Variants in MAP2K1 observed in about 807,000 individuals in gnomAD.
MAP2K1 encodes the protein mitogen-activated protein kinase kinase 1.
In MAP2K1, 16 loss-of-function variants were observed where a neutral mutation model predicts 46.3. The ratio of observed to expected loss-of-function variants is 0.35; its 90% CI spans 0.23 to 0.52. MAP2K1 has a LOEUF of 0.52. Ranked by LOEUF, MAP2K1 falls within the 20% of genes least tolerant of loss-of-function variation. The probability of loss-of-function intolerance (pLI) is 0.94; values close to 1 mark genes in which losing one functional copy is unlikely to be tolerated. For synonymous variants in MAP2K1, 183 were observed against 185.6 expected (o/e 0.99, Z 0.11); for missense variants, 263 against 497.1 (o/e 0.53, Z 4.48).
chr15:66,426,360 C>CAAAAAA (rs35788598), intron 1 of MAP2K1, among the ~76,000 whole-genome samples: 1 of 138,508 alleles, frequency 7.2e-6, no homozygotes, highest in Non-Finnish European at 1.6e-5. Flanking sequence ...ATCAAGAAGA[C>CAAAAAA]AAAAAAAAAA....
At chr15:66,477,868 G>C (rs566137446) in intron 5 of MAP2K1, among the ~76,000 whole-genome samples, 5 of 152,058 alleles carry the variant, frequency 3.3e-5, no homozygotes, top group Non-Finnish European at 5.9e-5. Context: ...TCTCAGTCTC[G>C]TTCCATTTTC....
intron 1 of MAP2K1, among the ~76,000 whole-genome samples, chr15:66,432,817 C>A (rs1188722759): frequency 2.6e-5 from 4 of 152,178 alleles, no homozygotes; most frequent in Non-Finnish European, 4.4e-5. Flanking sequence ...CCTGTCTGTG[C>A]TTGAGTTTGC....
chr15:66,387,760 C>T (rs2093345726), intron 1 of MAP2K1, among the ~76,000 whole-genome samples: 1 of 152,208 alleles, frequency 6.6e-6, no homozygotes, highest in Non-Finnish European at 1.5e-5. Context: ...ATGTGATCAT[C>T]TGGGAGTCTG....
chr15:66,433,617 C>G (rs1462340990), intron 1 of MAP2K1, among the ~76,000 whole-genome samples: 3 of 152,094 alleles, frequency 2.0e-5, no homozygotes, highest in Non-Finnish European at 4.4e-5. Context: ...TCTTCATTTC[C>G]CTGTCTTCTA....
intron 9 of MAP2K1, 128 bp downstream of exon 9, chr15:66,489,404 C>A: frequency 3.3e-6 from 3 of 913,894 alleles, no homozygotes; most frequent in Non-Finnish European, 5.5e-6. Context: ...TCTGATGATT[C>A]TTGGCTGCTG....
Position 66,423,604 on chromosome 15 carries a change from A to ATTTTT in MAP2K1, c.81-11407_81-11403dup, listed in dbSNP as rs142169839. Among the ~76,000 whole-genome samples, 5 of 113,128 alleles carry ATTTTT rather than the reference A, an allele frequency of 4.4e-5. No individual in the cohort carries two copies. The South Asian group carries it at 8.7e-4, about 20-fold the overall frequency. 74.2% of individuals were successfully genotyped at this position (113,128 alleles called of 152,430 possible). On this transcript the variant is annotated intron_variant, in intron 1 of 10. Transcript: ENST00000307102. ...AGGTGCCTGCCACCATGCCAGGCTA[A>ATTTTT]TTTTTTTTTTTTTTTTTTTTGAGAT...
chr15:66,430,769 G>T (rs947358919), intron 1 of MAP2K1, among the ~76,000 whole-genome samples: 1 of 152,120 alleles, frequency 6.6e-6, no homozygotes, highest in Non-Finnish European at 1.5e-5. Context: ...CAAATGAAAG[G>T]TTCCAGTTGC....
chr15:66,417,514 G>T (rs756108981), intron 1 of MAP2K1, among the ~76,000 whole-genome samples: 2 of 152,112 alleles, frequency 1.3e-5, no homozygotes, highest in Non-Finnish European at 1.5e-5. Flanking sequence ...GATTGAGGCT[G>T]CAGTGAGCCA....
chr15:66,392,254 G>GTTTTTTTTTTTTTTTTTTTTTTT lies in MAP2K1; in HGVS notation c.80+4827_80+4828insTTTTTTTTTTTTTTTTTTTTTTT, dbSNP rs374203054. 6.3e-5 allele frequency among the ~76,000 whole-genome samples: 5 copies of GTTTTTTTTTTTTTTTTTTTTTTT among 79,676 alleles called. 1 individual carries two copies. Among genetic ancestry groups the GTTTTTTTTTTTTTTTTTTTTTTT allele is most frequent in the African/African-American group, 1.4e-4 (3 of 21,470 alleles). The allele number at this position is 79,676 out of a possible 152,430, so 52.3% of individuals were successfully genotyped here. ...CACGAATATTTGTGTGTTTTTTTTG[G>GTTTTTTTTTTTTTTTTTTTTTTT]GTTTTTTTTTTTTTTTTTTTTTTTT... On this transcript the variant is annotated intron_variant, in intron 1 of 10. Coordinates refer to ENST00000307102, the MANE Select transcript of MAP2K1 (RefSeq NM_002755.4).
At chr15:66,426,142 C>CT (rs57873985) in intron 1 of MAP2K1, among the ~76,000 whole-genome samples, 64 of 145,542 alleles carry the variant, frequency 4.4e-4, no homozygotes, top group African/African-American at 1.6e-3. Flanking sequence ...AGTGTTTTTT[C>CT]TTTTTTTTTT....
rs754086223 is a variant in MAP2K1, at chr15:66,485,097, T to A, written c.801T>A (p.Asp267Glu). 1.9e-6 allele frequency: 3 copies of A among 1,613,914 alleles called. No homozygotes were observed. Among genetic ancestry groups the A allele is most frequent in the Non-Finnish European group, 2.5e-6 (3 of 1,180,030 alleles). Reference sequence around the variant, plus strand: ...GGAGGTATCCCATCCCTCCTCCAGATGCCAAGGAGCTGGAGCTGATGTTTG... The same window carrying A: ...GGAGGTATCCCATCCCTCCTCCAGAAGCCAAGGAGCTGGAGCTGATGTTTG... The part of the protein sequence containing the change: ...AVGRYPIPPP[D>E]AKELELMFGC... Residue 267 changes from aspartate to glutamate, a missense_variant, in exon 7 of 11, where the codon GAT becomes GAA. Asp to Glu is a conservative substitution (Grantham distance 45, BLOSUM62 2). Coordinates refer to ENST00000307102, the MANE Select transcript of MAP2K1 (RefSeq NM_002755.4).
At chr15:66,428,815 T>C (rs796843040) in intron 1 of MAP2K1, among the ~76,000 whole-genome samples, 1 of 143,890 alleles carries the variant, frequency 6.9e-6, no homozygotes, top group African/African-American at 2.7e-5. Context: ...AGGGTCTCAT[T>C]GTCACCCAGG....
At chr15:66,421,994 C>A (rs771136434) in intron 1 of MAP2K1, among the ~76,000 whole-genome samples, 2 of 151,574 alleles carry the variant, frequency 1.3e-5, no homozygotes, top group Admixed American at 1.3e-4. Context: ...TGCCTGTGTT[C>A]TAGGCCCTTT....
intron 1 of MAP2K1, among the ~76,000 whole-genome samples, chr15:66,397,001 T>C (rs1393073599): frequency 2.1e-4 from 19 of 90,382 alleles, no homozygotes; most frequent in Non-Finnish European, 3.9e-4. Context: ...GCTTCTTTTT[T>C]TTTTTTTTTT....
Position 66,424,786 on chromosome 15 carries a change from T to A in MAP2K1, c.81-10241T>A, listed in dbSNP as rs577766226. On this transcript the variant is annotated intron_variant, in intron 1 of 10. Coordinates refer to ENST00000307102, the MANE Select transcript of MAP2K1 (RefSeq NM_002755.4). ...AGGTTCTCATTGTCTTGATCCAATC[T>A]CAATCTTTTTTTTTTTTTTTTTTTT... 2.2e-5 allele frequency among the ~76,000 whole-genome samples: 3 copies of A among 134,386 alleles called. No individual in the cohort carries two copies. The East Asian group carries it at 7.3e-4, about 33-fold the overall frequency. The allele number at this position is 134,386 out of a possible 152,430, so 88.2% of individuals were successfully genotyped here.
rs60383267 is a variant in MAP2K1, at chr15:66,435,419, G to A, written c.291+182G>A. 1.1e-3 allele frequency among the ~76,000 whole-genome samples: 165 copies of A among 150,226 alleles called. 1 individual carries two copies. Among genetic ancestry groups the A allele is most frequent in the African/African-American group, 3.8e-3 (156 of 40,824 alleles). On this transcript the variant is annotated intron_variant, in intron 2 of 10. Transcript: ENST00000307102. ...GGCTGGTGTGCAACCTCCATCTCCTGGGTTCAAACGATTCTCCTGCCTCAG... is the reference window on the plus strand; with the variant it reads ...GGCTGGTGTGCAACCTCCATCTCCTAGGTTCAAACGATTCTCCTGCCTCAG...
At chr15:66,417,085 G>A (rs765579410) in intron 1 of MAP2K1, among the ~76,000 whole-genome samples, 12 of 152,250 alleles carry the variant, frequency 7.9e-5, no homozygotes, top group African/African-American at 2.6e-4. Flanking sequence ...CTGTGAACAG[G>A]TATTGTTAGC....
At chr15:66,452,933 G>A (rs962009054) in intron 5 of MAP2K1, among the ~76,000 whole-genome samples, 6 of 152,176 alleles carry the variant, frequency 3.9e-5, no homozygotes, top group Admixed American at 3.9e-4. Flanking sequence ...TAATTGCTGT[G>A]TATATATCTT....
chr15:66,432,304 C>T (rs1004403034), intron 1 of MAP2K1, among the ~76,000 whole-genome samples: 14 of 152,158 alleles, frequency 9.2e-5, no homozygotes, highest in African/African-American at 3.1e-4. Flanking sequence ...GAAGCCAGTT[C>T]ATTAGCTGGT....
Sources: allele counts gnomAD v4.1 joint callset (sites outside exome capture counted in the v4.1 genomes callset), GRCh38; gene constraint gnomAD v4.1.1; transcripts MANE v1.5; gene names NCBI Gene and HGNC (gene_info 2026-07-23, HGNC 2026-07-21).